Variants in TAS2R1 observed in about 807,000 individuals in gnomAD.
TAS2R1 encodes taste receptor type 2 member 1.
For synonymous variants in TAS2R1, 141 were observed against 134.2 expected (o/e 1.05, Z -0.35); for missense variants, 370 against 353.4 (o/e 1.05, Z -0.38).
the TAS2R1 span, among the ~76,000 whole-genome samples, chr5:9,749,060 T>C: frequency 6.6e-6 from 1 of 152,194 alleles, no homozygotes; most frequent in Non-Finnish European, 1.5e-5. Flanking sequence ...ATTTTTAGAC[T>C]TCTCCCCCTT....
chr5:9,831,108 TAA>T, the TAS2R1 span, among the ~76,000 whole-genome samples: 1 of 152,228 alleles, frequency 6.6e-6, no homozygotes, highest in Non-Finnish European at 1.5e-5. Flanking sequence ...GAAATCTCAC[TAA>T]CAAGCATAAT....
chr5:9,809,179 CT>C, the TAS2R1 span, among the ~76,000 whole-genome samples: 3 of 152,162 alleles, frequency 2.0e-5, no homozygotes, highest in Non-Finnish European at 4.4e-5. Context: ...TCAAGTCTCT[CT>C]TTAGACTAGA....
At chr5:9,762,370 T>C in the TAS2R1 span, among the ~76,000 whole-genome samples, 2 of 152,114 alleles carry the variant, frequency 1.3e-5, no homozygotes, top group Non-Finnish European at 2.9e-5. Context: ...GGGACCCCAG[T>C]CTCGGATTAT....
intron 2 of TAS2R1, among the ~76,000 whole-genome samples, chr5:9,649,053 C>T (rs1740253122): frequency 6.6e-6 from 1 of 152,182 alleles, no homozygotes; most frequent in Non-Finnish European, 1.5e-5. Flanking sequence ...ACATCAAAAA[C>T]AAACCTGACC....
the TAS2R1 span, among the ~76,000 whole-genome samples, chr5:9,769,482 C>T: frequency 6.6e-6 from 1 of 152,142 alleles, no homozygotes; most frequent in East Asian, 1.9e-4. Context: ...TAGTGAAGAA[C>T]CTCCAAACTG....
chr5:9,845,031 T>C, the TAS2R1 span, among the ~76,000 whole-genome samples: 5 of 152,192 alleles, frequency 3.3e-5, no homozygotes, highest in Non-Finnish European at 5.9e-5. Context: ...CATCCTGCTA[T>C]GGACTGAATA....
At chr5:9,820,611 C>T in the TAS2R1 span, among the ~76,000 whole-genome samples, 2 of 152,146 alleles carry the variant, frequency 1.3e-5, no homozygotes, top group East Asian at 3.9e-4. Context: ...ACTCACAGCA[C>T]TGAAAACCCG....
chr5:9,788,433 G>C, the TAS2R1 span, among the ~76,000 whole-genome samples: 2 of 152,042 alleles, frequency 1.3e-5, no homozygotes, highest in Non-Finnish European at 2.9e-5. Context: ...CCAGCCACCG[G>C]GTAATCCTTG....
chr5:9,768,785 T>C, the TAS2R1 span, among the ~76,000 whole-genome samples: 1 of 152,220 alleles, frequency 6.6e-6, no homozygotes, highest in Admixed American at 6.5e-5. Context: ...AGAAACTATT[T>C]TTATGGGTAC....
At chr5:9,681,672 C>T (rs1740999238) in intron 1 of TAS2R1, among the ~76,000 whole-genome samples, 1 of 152,036 alleles carries the variant, frequency 6.6e-6, no homozygotes, top group Admixed American at 6.6e-5. Flanking sequence ...CCTCCTTAGA[C>T]AAGTCTTCTG....
chr5:9,841,320 CT>C, the TAS2R1 span, among the ~76,000 whole-genome samples: 1 of 152,090 alleles, frequency 6.6e-6, no homozygotes, highest in Non-Finnish European at 1.5e-5. Context: ...TCATCTTCTC[CT>C]TCTAGGAAAA....
chr5:9,877,788 T>C, the TAS2R1 span, among the ~76,000 whole-genome samples: 1 of 152,250 alleles, frequency 6.6e-6, no homozygotes, highest in African/African-American at 2.4e-5. Context: ...TCAACATGGA[T>C]TTCCCACTGA....
the TAS2R1 span, among the ~76,000 whole-genome samples, chr5:9,806,367 C>T: frequency 6.6e-6 from 1 of 151,904 alleles, no homozygotes; most frequent in African/African-American, 2.4e-5. Flanking sequence ...CAAAATATCA[C>T]CATCATTCTT....
At chr5:9,806,083 A>AG in the TAS2R1 span, among the ~76,000 whole-genome samples, 30 of 152,140 alleles carry the variant, frequency 2.0e-4, no homozygotes, top group African/African-American at 7.0e-4. Flanking sequence ...ATAAATCAGT[A>AG]GCTCTGCTAT....
chr5:9,730,303 A>G, the TAS2R1 span, among the ~76,000 whole-genome samples: 1 of 152,218 alleles, frequency 6.6e-6, no homozygotes, highest in Non-Finnish European at 1.5e-5. Flanking sequence ...TAGACCTCAC[A>G]GTGAACTGGC....
At chr5:9,706,452 G>A (rs150959232) in intron 1 of TAS2R1, among the ~76,000 whole-genome samples, 27 of 152,340 alleles carry the variant, frequency 1.8e-4, no homozygotes, top group African/African-American at 2.2e-4. Flanking sequence ...AGGCCACAGC[G>A]TCATTCATGG....
chr5:9,653,471 A>G (rs1740349784), intron 2 of TAS2R1, among the ~76,000 whole-genome samples: 1 of 122,446 alleles, frequency 8.2e-6, no homozygotes, highest in Admixed American at 7.8e-5. Flanking sequence ...AGCTGCTATA[A>G]ACATGGGTGT....
At chr5:9,899,185 G>A in the TAS2R1 span, among the ~76,000 whole-genome samples, 34 of 152,134 alleles carry the variant, frequency 2.2e-4, no homozygotes, top group South Asian at 2.7e-3. Context: ...GGATGGAGTC[G>A]GCACTCAGGA....
chr5:9,649,221 A>C (rs1286518389), intron 2 of TAS2R1, among the ~76,000 whole-genome samples: 1 of 152,190 alleles, frequency 6.6e-6, no homozygotes, highest in East Asian at 1.9e-4. Context: ...CATGGAATTC[A>C]TGTGTACCAC....
Sources: gnomAD v4.1 joint callset for allele counts (sites outside exome capture counted in the v4.1 genomes callset) on GRCh38, gnomAD v4.1.1 for gene constraint, MANE v1.5 for transcripts, NCBI Gene and HGNC (gene_info 2026-07-23, HGNC 2026-07-21) for gene names.